The following MMS19 variants were observed in gnomAD, a reference collection of about 807,000 sequenced individuals.
The protein encoded by MMS19 is MMS19 cytosolic iron-sulfur assembly component.
Under a neutral mutation model 129.8 loss-of-function variants are expected in MMS19, and 77 were observed. The observed-to-expected ratio is 0.59, with a 90% confidence interval of 0.49 to 0.72. The LOEUF (loss-of-function observed/expected upper bound fraction) is 0.72. MMS19 is among the 30% of genes least tolerant of loss of function. The pLI, the probability that MMS19 is intolerant of heterozygous loss-of-function variation, is 0.00. For missense variants in MMS19, 1,168 were observed against 1,266.3 expected, an observed-to-expected ratio of 0.92 and a Z score of 1.18; for synonymous variants, 491 against 502.8, an observed-to-expected ratio of 0.98 and a Z score of 0.31.
rs780933561 is a variant in MMS19, at chr10:97,476,639, G to A, written c.684+44C>T. The A allele has an allele frequency of 1.9e-6, 3 of 1,591,510 alleles. No homozygotes were observed. In the African/African-American group the frequency reaches 4.0e-5, roughly 21 times the overall value. On this transcript the variant is annotated intron_variant, in intron 8 of 30. Transcript: ENST00000438925. ...CCAGAACAGGGCTTGGCACATAGCA[G>A]ACACTCAATAAATATATGATCAAAC... is the stretch of plus-strand genomic sequence containing the variant.
intron 1 of MMS19, among the ~76,000 whole-genome samples, chr10:97,492,197 G>A (rs945132527): frequency 8.0e-5 from 12 of 149,168 alleles, no homozygotes; most frequent in Non-Finnish European, 1.2e-4. Context: ...GAGGCCGGGC[G>A]CGGTGGTTCA....
At chr10:97,498,444 G>A, upstream of MMS19, 6 of 1,539,714 alleles carry the variant, frequency 3.9e-6, no homozygotes, top group African/African-American at 4.1e-5. Flanking sequence ...GGCTCTCCGC[G>A]CATGCGCCTC....
chr10:97,480,105 T>G, intron 3 of MMS19: 1 of 358,158 alleles, frequency 2.8e-6, no homozygotes, highest in Non-Finnish European at 5.4e-6. Flanking sequence ...CATGGTGCCC[T>G]GCATTTGCAT....
At chr10:97,491,214 G>A (rs905257465) in intron 1 of MMS19, among the ~76,000 whole-genome samples, 10 of 152,200 alleles carry the variant, frequency 6.6e-5, no homozygotes, top group African/African-American at 2.4e-4. Context: ...ACTGTTAATA[G>A]CAAAGGATAT....
At position 97,458,375 on chromosome 10, in the gene MMS19, T is replaced by G. The variant is rs2030437197; in HGVS notation, c.*317A>C. 1 of 285,082 alleles carries G rather than the reference T, an allele frequency of 3.5e-6. No individual in the cohort carries two copies. The highest frequency in any genetic ancestry group is 6.5e-6 in the Non-Finnish European group (1 of 154,264). 17.7% of individuals were successfully genotyped at this position (285,082 alleles called of 1,614,324 possible). A position where few individuals can be genotyped will look rare whatever the true frequency, so the allele number is the denominator to read the frequency against. On this transcript the variant is annotated 3_prime_UTR_variant, in exon 31 of 31. Transcript: ENST00000438925. ...GCAGGTAGACAACATCTGCCAGCCC[T>G]GGTCCTCAGGGCCACACTCATATGC...
chr10:97,498,418 G>C lies in MMS19; in HGVS notation c.-34C>G. 6.4e-7 allele frequency: 1 copy of C among 1,570,294 alleles called. No individual in the cohort carries two copies. Among genetic ancestry groups the C allele is most frequent in the South Asian group, 1.2e-5 (1 of 86,914 alleles). On this transcript the variant is annotated 5_prime_UTR_variant, in exon 1 of 31. Coordinates refer to ENST00000438925, the MANE Select transcript of MMS19 (RefSeq NM_022362.5). ...CTAGAGACCGTGGGAGGGGATATGG[G>C]CGGTGGCTCGAGACGGGCTCTCCGC...
chr10:97,475,595 G>A (rs371159017), intron 8 of MMS19, among the ~76,000 whole-genome samples: 3 of 152,044 alleles, frequency 2.0e-5, no homozygotes, highest in East Asian at 3.9e-4. Context: ...AAAATTAGCC[G>A]GGCATGGTGG....
At chr10:97,477,292 G>C in intron 6 of MMS19, 55 bp downstream of exon 6, 1 of 1,613,660 alleles carries the variant, frequency 6.2e-7, no homozygotes, top group Non-Finnish European at 8.5e-7. Context: ...TACTAATAGG[G>C]GAAAAAGTAG....
chr10:97,488,235 A>G (rs1271547609), intron 1 of MMS19, among the ~76,000 whole-genome samples: 5 of 152,254 alleles, frequency 3.3e-5, no homozygotes, highest in African/African-American at 2.4e-5. Flanking sequence ...ACTACACAGA[A>G]ACTTTTTAAG....
At chr10:97,495,764 T>G (rs1026876269) in intron 1 of MMS19, among the ~76,000 whole-genome samples, 46 of 152,360 alleles carry the variant, frequency 3.0e-4, no homozygotes, top group African/African-American at 1.1e-3. Flanking sequence ...CTGTTACTAT[T>G]CCTTTGTACC....
At position 97,483,969 on chromosome 10, in the gene MMS19, A is replaced by T; in HGVS notation, c.161+134T>A. 1.2e-5 allele frequency: 7 copies of T among 607,736 alleles called. No homozygotes were observed. The Middle Eastern group carries it at 1.8e-3, about 157-fold the overall frequency. The allele number at this position is 607,736 out of a possible 1,614,324, so 37.6% of individuals were successfully genotyped here. A position where few individuals can be genotyped will look rare whatever the true frequency, so the allele number is the denominator to read the frequency against. On this transcript the variant is annotated intron_variant, in intron 2 of 30. Transcript: ENST00000438925. ...AATTCAAACATATAGGCTTAGACTG[A>T]GGTACTAATATGGAAGGGGGCTGCT...
intron 1 of MMS19, among the ~76,000 whole-genome samples, chr10:97,485,066 C>A (rs182497068): frequency 9.9e-5 from 15 of 152,276 alleles, no homozygotes; most frequent in African/African-American, 1.9e-4. Context: ...TGAGCCACTG[C>A]GTGCGACCTA....
Position 97,460,082 on chromosome 10 carries a change from G to T in MMS19, c.2620C>A (p.Pro874Thr). Reference sequence around the variant, plus strand: ...GCATGGAAGCCCTGGACCAAAGCAGGCACATTATCTGTGAAGAACCGCTGG... The same window carrying T: ...GCATGGAAGCCCTGGACCAAAGCAGTCACATTATCTGTGAAGAACCGCTGG... ...FRQRFFTDNV[P>T]ALVQGFHAAP... Residue 874 changes from proline to threonine, a missense_variant, in exon 26 of 31, where the codon CCT becomes ACT. This residue lies in a region of MMS19 where 831 missense variants were observed against 910.8 expected (regional missense o/e 0.91). Coordinates refer to ENST00000438925, the MANE Select transcript of MMS19 (RefSeq NM_022362.5). 4 of 1,614,030 alleles carry T rather than the reference G, an allele frequency of 2.5e-6. No individual in the cohort carries two copies. Among genetic ancestry groups the T allele is most frequent in the Non-Finnish European group, 2.5e-6 (3 of 1,179,908 alleles).
At chr10:97,486,891 A>ATATATATATATATATATATATATATATG (rs1554852518) in intron 1 of MMS19, among the ~76,000 whole-genome samples, 6 of 132,344 alleles carry the variant, frequency 4.5e-5, no homozygotes, top group Admixed American at 7.9e-5. Flanking sequence ...ATATATATAT[A>ATATATATATATATATATATATATATATG]TATAAAATTA....
chr10:97,476,534 G>A (rs2135397453), intron 8 of MMS19, 149 bp downstream of exon 8: 1 of 675,060 alleles, frequency 1.5e-6, no homozygotes, highest in East Asian at 2.7e-5. Flanking sequence ...TATGTCAAAT[G>A]CTTTTCCATT....
Position 97,458,642 on chromosome 10 carries a change from T to C in MMS19, c.*50A>G, listed in dbSNP as rs554608523. 24 of 1,556,124 alleles carry C rather than the reference T, an allele frequency of 1.5e-5. No homozygotes were observed. Among genetic ancestry groups the C allele is most frequent in the Non-Finnish European group, 1.9e-5 (22 of 1,148,296 alleles). Reference sequence around the variant, plus strand: ...GCTTTGGGGAAGATGGCTCAACAGTTAGTAATCCCAGGTTAGATTGTCAGA... The same window carrying C: ...GCTTTGGGGAAGATGGCTCAACAGTCAGTAATCCCAGGTTAGATTGTCAGA... On this transcript the variant is annotated 3_prime_UTR_variant, in exon 31 of 31. Transcript: ENST00000438925.
At chr10:97,497,084 GT>G (rs1249869363) in intron 1 of MMS19, among the ~76,000 whole-genome samples, 1 of 152,218 alleles carries the variant, frequency 6.6e-6, no homozygotes, top group East Asian at 1.9e-4. Context: ...ATTGTAAGAT[GT>G]TAAGTTTGGT....
chr10:97,462,502 GACAAGGCAGCT>G (rs2032270081), intron 20 of MMS19, 70 bp downstream of exon 20: 2 of 993,254 alleles, frequency 2.0e-6, no homozygotes, highest in African/African-American at 3.2e-5. Flanking sequence ...AAGGACAGCT[GACAAGGCAGCT>G]ACCTGTTGCT....
At chr10:97,458,993 G>A in intron 29 of MMS19, 93 bp from the exon 30 acceptor site, 1 of 1,287,272 alleles carries the variant, frequency 7.8e-7, no homozygotes, top group Non-Finnish European at 1.1e-6. Flanking sequence ...TCTGAGGAAA[G>A]CAAAACATCT....
Sources: gnomAD v4.1 joint callset for allele counts (sites outside exome capture counted in the v4.1 genomes callset) on GRCh38, gnomAD v4.1.1 for gene constraint, gnomAD v4.1.1 regional missense constraint, MANE v1.5 for transcripts, NCBI Gene and HGNC (gene_info 2026-07-23, HGNC 2026-07-21) for gene names.